MAP3K5: variants seen among roughly 807,000 people sequenced by gnomAD.
MAP3K5 encodes mitogen-activated protein kinase kinase kinase 5.
A neutral mutation model predicts 158.7 loss-of-function variants in MAP3K5; 56 were observed. The observed-to-expected ratio is 0.35, with a 90% CI of 0.28 to 0.44. The LOEUF (loss-of-function observed/expected upper bound fraction) is 0.44, where lower values mean the gene tolerates loss of function less well. Among genes scored for constraint, MAP3K5 ranks in the 20% least tolerant of loss-of-function variants. The pLI is 1.00. For synonymous variants in MAP3K5, 579 were observed against 601.7 expected (o/e 0.96, Z 0.55); for missense variants, 1,294 against 1,674.8 (o/e 0.77, Z 3.97).
chr6:136,689,599 G>A (rs1246485705), intron 7 of MAP3K5, among the ~76,000 whole-genome samples: 5 of 152,210 alleles, frequency 3.3e-5, no homozygotes, highest in Non-Finnish European at 7.3e-5. Flanking sequence ...CCCATGAAAG[G>A]ATTAATGCTG....
At chr6:136,578,664 G>A (rs1473853335) in intron 25 of MAP3K5, among the ~76,000 whole-genome samples, 1 of 152,058 alleles carries the variant, frequency 6.6e-6, no homozygotes. Flanking sequence ...CCAGGTAGAA[G>A]TAACATGTTC....
intron 1 of MAP3K5, among the ~76,000 whole-genome samples, chr6:136,755,306 C>T (rs1783426643): frequency 6.6e-6 from 1 of 152,100 alleles, no homozygotes; most frequent in South Asian, 2.1e-4. Context: ...TTCCCTGTTT[C>T]CGCCACCCCA....
chr6:136,663,652 C>T (rs1200199223), intron 8 of MAP3K5, among the ~76,000 whole-genome samples: 2 of 149,220 alleles, frequency 1.3e-5, no homozygotes, highest in Non-Finnish European at 3.0e-5. Flanking sequence ...CTCTATTGCC[C>T]AGGCTGGAGT....
chr6:136,704,292 T>C (rs1780977700), intron 3 of MAP3K5, among the ~76,000 whole-genome samples: 3 of 152,146 alleles, frequency 2.0e-5, no homozygotes. Flanking sequence ...CTATACCTTA[T>C]CATGATTACA....
chr6:136,686,697 C>G (rs1780163813), intron 7 of MAP3K5, among the ~76,000 whole-genome samples: 1 of 152,186 alleles, frequency 6.6e-6, no homozygotes, highest in East Asian at 1.9e-4. Context: ...AATAAAATAC[C>G]TAGGAATACA....
intron 11 of MAP3K5, among the ~76,000 whole-genome samples, chr6:136,647,403 A>C (rs2237271): frequency 0.23 from 35,662 of 152,170 alleles, 4,752 homozygotes; most frequent in East Asian, 0.44. Context: ...CTAGGCCACG[A>C]AGCATGCAAG....
intron 21 of MAP3K5, 113 bp from the exon 22 acceptor site, chr6:136,592,727 C>G (rs1028011633): frequency 2.2e-6 from 2 of 915,760 alleles, no homozygotes; most frequent in Non-Finnish European, 3.5e-6. Flanking sequence ...TTGCAATGAG[C>G]AGCATAATTA....
intron 23 of MAP3K5, among the ~76,000 whole-genome samples, chr6:136,585,028 G>A (rs1242234226): frequency 2.0e-5 from 3 of 151,952 alleles, no homozygotes; most frequent in African/African-American, 4.8e-5. Flanking sequence ...AGAACGGACC[G>A]ATGGACTATT....
At position 136,713,415 on chromosome 6, in the gene MAP3K5, C is replaced by T. The variant is rs573894781; in HGVS notation, c.588+7035G>A. ...AAGGGCATATTTTACCCAGTCTATA[C>T]ATAATTCCTTAGAAGGTATACTATT... On this transcript the variant is annotated intron_variant, in intron 2 of 29. Coordinates refer to ENST00000359015, the MANE Select transcript of MAP3K5 (RefSeq NM_005923.4). Among the ~76,000 whole-genome samples the T allele has an allele frequency of 1.8e-4, 28 of 152,312 alleles. No individual in the cohort carries two copies. In the South Asian group the frequency reaches 4.8e-3, roughly 26 times the overall value.
chr6:136,599,417 T>G (rs1182143674), intron 21 of MAP3K5, among the ~76,000 whole-genome samples: 1 of 152,088 alleles, frequency 6.6e-6, no homozygotes. Flanking sequence ...ACCGTCCATC[T>G]CACGCTCACC....
At chr6:136,586,299 T>C (rs17723462) in intron 23 of MAP3K5, among the ~76,000 whole-genome samples, 1,759 of 152,348 alleles carry the variant, frequency 0.012, 24 homozygotes, top group East Asian at 0.041. Flanking sequence ...AAAAACTCAG[T>C]TGCAACATGT....
intron 2 of MAP3K5, among the ~76,000 whole-genome samples, chr6:136,711,089 C>T (rs1011703916): frequency 2.6e-5 from 4 of 151,872 alleles, no homozygotes; most frequent in African/African-American, 9.7e-5. Flanking sequence ...GTCATAGAGC[C>T]GTGACACAGA....
intron 9 of MAP3K5, among the ~76,000 whole-genome samples, chr6:136,657,277 A>G (rs1778793853): frequency 6.6e-6 from 1 of 152,218 alleles, no homozygotes; most frequent in Non-Finnish European, 1.5e-5. Flanking sequence ...TGGGATAATT[A>G]TAGGTGATAA....
chr6:136,596,622 G>A (rs539817132), intron 21 of MAP3K5, among the ~76,000 whole-genome samples: 44 of 152,308 alleles, frequency 2.9e-4, no homozygotes, highest in Middle Eastern at 3.4e-3. Context: ...GAGGAGTCAC[G>A]GGGGCTCCAC....
intron 1 of MAP3K5, among the ~76,000 whole-genome samples, chr6:136,760,404 G>T (rs9389437): frequency 0.36 from 55,075 of 151,946 alleles, 12,064 homozygotes; most frequent in Middle Eastern, 0.5. Flanking sequence ...TAAAAGAAAA[G>T]GCAAAAGATT....
rs559923426 is a variant in MAP3K5, at chr6:136,665,644, C to G, written c.1366+3639G>C. On this transcript the variant is annotated intron_variant, in intron 8 of 29. Coordinates refer to ENST00000359015, the MANE Select transcript of MAP3K5 (RefSeq NM_005923.4). Reference sequence around the variant, plus strand: ...TACAGGCCTGAGCCACCACGCCCAGCCTAAGAAGTGCTATATTTCATCAAC... The same window carrying G: ...TACAGGCCTGAGCCACCACGCCCAGGCTAAGAAGTGCTATATTTCATCAAC... Among the ~76,000 whole-genome samples, 125 of 152,260 alleles carry G rather than the reference C, an allele frequency of 8.2e-4. 1 individual carries two copies. The highest frequency in any genetic ancestry group is 1.3e-3 in the Non-Finnish European group (91 of 68,020).
chr6:136,573,121 T>C (rs973811641), intron 25 of MAP3K5, among the ~76,000 whole-genome samples: 2 of 152,212 alleles, frequency 1.3e-5, no homozygotes, highest in African/African-American at 4.8e-5. Context: ...CCAGAAGAGA[T>C]TAGCATTTGA....
intron 25 of MAP3K5, among the ~76,000 whole-genome samples, chr6:136,568,556 T>A (rs1774221746): frequency 6.6e-6 from 1 of 152,102 alleles, no homozygotes; most frequent in Non-Finnish European, 1.5e-5. Context: ...TAACATGAGA[T>A]CACCTGCATG....
chr6:136,652,178 C>A (rs9402838), intron 10 of MAP3K5, among the ~76,000 whole-genome samples: 109,114 of 152,114 alleles, frequency 0.72, 40,572 homozygotes, highest in African/African-American at 0.92. Context: ...TCTCAGAAAG[C>A]AGGCACAAGA....
Sources: allele counts gnomAD v4.1 joint callset (sites outside exome capture counted in the v4.1 genomes callset), GRCh38; gene constraint gnomAD v4.1.1; transcripts MANE v1.5; gene names NCBI Gene and HGNC (gene_info 2026-07-23, HGNC 2026-07-21).